The following RBFOX1 variants were observed in gnomAD, a reference collection of about 807,000 sequenced individuals.
RBFOX1 encodes the protein RNA binding protein fox-1 homolog 1.
Under a neutral mutation model 57.7 loss-of-function variants are expected in RBFOX1, and 8 were observed. That is an observed-to-expected ratio of 0.14 (90% CI 0.08 to 0.25). RBFOX1 has a LOEUF of 0.25. RBFOX1 is among the 10% of genes least tolerant of loss of function. RBFOX1 has a pLI of 1.00. For missense variants in RBFOX1, 611 were observed against 548.5 expected (o/e 1.11, Z -1.14); for synonymous variants, 326 against 222.4 (o/e 1.47, Z -4.15).
At chr16:6,978,350 T>C (rs76841851) in intron 3 of RBFOX1, among the ~76,000 whole-genome samples, 2,824 of 152,338 alleles carry the variant, frequency 0.019, 100 homozygotes, top group African/African-American at 0.063. Flanking sequence ...TGGGCTGGTC[T>C]TTATAATTAG....
chr16:6,132,269 C>G (rs533612412), intron 1 of RBFOX1, among the ~76,000 whole-genome samples: 1 of 152,174 alleles, frequency 6.6e-6, no homozygotes, highest in East Asian at 1.9e-4. Context: ...TTTCCAGCCC[C>G]CTGGCAGTTA....
chr16:6,300,183 C>T (rs756332049), intron 1 of RBFOX1, among the ~76,000 whole-genome samples: 1 of 152,126 alleles, frequency 6.6e-6, no homozygotes, highest in Non-Finnish European at 1.5e-5. Flanking sequence ...TTACCAGAGG[C>T]TGGTGAGAGG....
intron 2 of RBFOX1, among the ~76,000 whole-genome samples, chr16:6,358,494 C>G (rs2087795624): frequency 6.6e-6 from 1 of 152,092 alleles, no homozygotes; most frequent in South Asian, 2.1e-4. Flanking sequence ...ACTAATTAAT[C>G]CCATAGATAA....
intron 1 of RBFOX1, among the ~76,000 whole-genome samples, chr16:5,335,722 G>C (rs1157469725): frequency 6.6e-6 from 1 of 152,136 alleles, no homozygotes; most frequent in Non-Finnish European, 1.5e-5. Context: ...AGCTTTCTGA[G>C]GGCAGAGACT....
chr16:5,491,602 T>C (rs1463784126), intron 2 of RBFOX1, among the ~76,000 whole-genome samples: 1 of 152,248 alleles, frequency 6.6e-6, no homozygotes, highest in African/African-American at 2.4e-5. Context: ...TGCATGGTAA[T>C]GCTGATGAAT....
chr16:7,432,880 A>C (rs939474842), intron 4 of RBFOX1, among the ~76,000 whole-genome samples: 9 of 152,182 alleles, frequency 5.9e-5, no homozygotes, highest in African/African-American at 1.7e-4. Context: ...TTTTCAGGCC[A>C]TCATAACACA....
intron 3 of RBFOX1, among the ~76,000 whole-genome samples, chr16:6,666,375 A>T (rs977980654): frequency 6.6e-6 from 1 of 152,030 alleles, no homozygotes; most frequent in Non-Finnish European, 1.5e-5. Flanking sequence ...TCTCTACCAC[A>T]AGTACAAAAT....
At chr16:6,119,279 A>T (rs2096530665) in intron 1 of RBFOX1, among the ~76,000 whole-genome samples, 1 of 152,134 alleles carries the variant, frequency 6.6e-6, no homozygotes. Flanking sequence ...CTCAGCTCAG[A>T]TTATCTGCTG....
At chr16:5,499,003 G>T (rs1433436484) in intron 2 of RBFOX1, among the ~76,000 whole-genome samples, 1 of 152,178 alleles carries the variant, frequency 6.6e-6, no homozygotes, top group Non-Finnish European at 1.5e-5. Flanking sequence ...CCAGCCTCTA[G>T]GAATTCTGGC....
chr16:5,661,559 G>A (rs2049650963), intron 3 of RBFOX1, among the ~76,000 whole-genome samples: 1 of 152,144 alleles, frequency 6.6e-6, no homozygotes, highest in East Asian at 1.9e-4. Context: ...ATACTTAATT[G>A]ACAAAACTTG....
At chr16:5,413,770 GAA>G (rs1212675604) in intron 1 of RBFOX1, among the ~76,000 whole-genome samples, 1 of 152,192 alleles carries the variant, frequency 6.6e-6, no homozygotes, top group East Asian at 1.9e-4. Context: ...GCAGAATTAC[GAA>G]AAGAGTCCTA....
intron 11 of RBFOX1, among the ~76,000 whole-genome samples, chr16:7,639,896 T>G (rs905388103): frequency 6.6e-6 from 1 of 152,170 alleles, no homozygotes; most frequent in Non-Finnish European, 1.5e-5. Flanking sequence ...TGAACAATAG[T>G]TGCCCACAGC....
At chr16:6,810,881 T>G (rs940873688) in intron 3 of RBFOX1, among the ~76,000 whole-genome samples, 3 of 152,148 alleles carry the variant, frequency 2.0e-5, no homozygotes, top group Non-Finnish European at 2.9e-5. Flanking sequence ...ATGTGGGGAT[T>G]ACGGTTCAAG....
chr16:6,506,519 G>A (rs2153751355), intron 2 of RBFOX1, among the ~76,000 whole-genome samples: 1 of 152,068 alleles, frequency 6.6e-6, no homozygotes, highest in Non-Finnish European at 1.5e-5. Flanking sequence ...GGTTAAGTGG[G>A]GACCATTTAT....
chr16:6,959,977 C>G (rs1055737300), intron 3 of RBFOX1, among the ~76,000 whole-genome samples: 1 of 152,028 alleles, frequency 6.6e-6, no homozygotes, highest in Non-Finnish European at 1.5e-5. Flanking sequence ...AGCCAGTGCC[C>G]TTAAACAAAG....
At chr16:7,619,329 C>G (rs2141947684) in intron 10 of RBFOX1, among the ~76,000 whole-genome samples, 1 of 152,186 alleles carries the variant, frequency 6.6e-6, no homozygotes, top group East Asian at 1.9e-4. Context: ...TTTTCACTAG[C>G]TGAAATATTA....
At chr16:5,328,044 AG>A in intron 1 of RBFOX1, among the ~76,000 whole-genome samples, 1 of 152,290 alleles carries the variant, frequency 6.6e-6, no homozygotes, top group East Asian at 1.9e-4. Flanking sequence ...AAACAAATGC[AG>A]CCCCCATGTT....
At chr16:5,688,047 C>G (rs1011805813) in intron 3 of RBFOX1, among the ~76,000 whole-genome samples, 1 of 152,118 alleles carries the variant, frequency 6.6e-6, no homozygotes, top group Non-Finnish European at 1.5e-5. Flanking sequence ...AAAATTTGAT[C>G]CAACCAGGTC....
intron 1 of RBFOX1, among the ~76,000 whole-genome samples, chr16:5,454,236 C>G (rs751000110): frequency 6.6e-6 from 1 of 152,230 alleles, no homozygotes; most frequent in Non-Finnish European, 1.5e-5. Flanking sequence ...CTTCACACTT[C>G]CCTCTGGAGG....
Sources: allele counts gnomAD v4.1 joint callset (sites outside exome capture counted in the v4.1 genomes callset), GRCh38; gene constraint gnomAD v4.1.1; transcripts MANE v1.5; gene names NCBI Gene and HGNC (gene_info 2026-07-23, HGNC 2026-07-21).